Variants in DYM observed in about 807,000 individuals in gnomAD.
DYM encodes dyggve-Melchior-Clausen syndrome protein.
Under a neutral mutation model 93.1 loss-of-function variants are expected in DYM, and 78 were observed. That is an observed-to-expected ratio of 0.84 (90% CI 0.70 to 1.01). The LOEUF is 1.01. DYM is among the 50% of genes least tolerant of loss of function. The probability of loss-of-function intolerance (pLI) is 0.00; values close to 1 mark genes in which losing one functional copy is unlikely to be tolerated. For synonymous variants in DYM, 321 were observed against 319.7 expected (o/e 1.00, Z -0.04); for missense variants, 789 against 845.0 (o/e 0.93, Z 0.82).
At chr18:49,325,601 T>C (rs940329260) in intron 8 of DYM, among the ~76,000 whole-genome samples, 4 of 152,126 alleles carry the variant, frequency 2.6e-5, no homozygotes, top group South Asian at 2.1e-4. Context: ...CATACCTTTA[T>C]ATATAAAGTT....
chr18:49,142,469 A>C (rs2084629301), intron 15 of DYM, among the ~76,000 whole-genome samples: 1 of 152,144 alleles, frequency 6.6e-6, no homozygotes, highest in Non-Finnish European at 1.5e-5. Context: ...AAGAAATGAG[A>C]ATTTGAAGGG....
At chr18:49,452,115 G>A (rs761587820) in intron 1 of DYM, among the ~76,000 whole-genome samples, 5 of 152,250 alleles carry the variant, frequency 3.3e-5, no homozygotes, top group Admixed American at 6.5e-5. Context: ...GACCCTCACA[G>A]TGAGTGTTAC....
intron 8 of DYM, among the ~76,000 whole-genome samples, chr18:49,313,120 TGA>T (rs1345886939): frequency 1.3e-5 from 2 of 152,094 alleles, no homozygotes; most frequent in African/African-American, 2.4e-5. Context: ...AGTCACAGGA[TGA>T]GACCGGAGGT....
chr18:49,063,411 G>T (rs919151591), intron 17 of DYM, among the ~76,000 whole-genome samples: 1 of 148,816 alleles, frequency 6.7e-6, no homozygotes, highest in Non-Finnish European at 1.5e-5. Context: ...CAGAACTAAA[G>T]AAATATATAC....
At position 49,245,447 on chromosome 18, in the gene DYM, T is replaced by G. The variant is rs142063685; in HGVS notation, c.1460+11563A>C. On this transcript the variant is annotated intron_variant, in intron 13 of 17. Transcript: ENST00000675505. ...GCAAGGAACAACCCTGGGGAAGGAATGCATTCCTGGGGGTAGGTATATAGA... is the reference window on the plus strand; with the variant it reads ...GCAAGGAACAACCCTGGGGAAGGAAGGCATTCCTGGGGGTAGGTATATAGA... Among the ~76,000 whole-genome samples the G allele has an allele frequency of 1.6e-3, 242 of 152,276 alleles. 8 individuals are homozygous for G. In the East Asian group the frequency reaches 0.043, roughly 27 times the overall value.
At chr18:49,452,049 AGT>A (rs1258082014) in intron 1 of DYM, among the ~76,000 whole-genome samples, 1 of 152,230 alleles carries the variant, frequency 6.6e-6, no homozygotes, top group Non-Finnish European at 1.5e-5. Flanking sequence ...TATACATGGC[AGT>A]GTGTCTGGAA....
At chr18:49,266,687 A>G (rs1306771830) in intron 11 of DYM, among the ~76,000 whole-genome samples, 1 of 152,224 alleles carries the variant, frequency 6.6e-6, no homozygotes, top group African/African-American at 2.4e-5. Context: ...TAGTTAATGA[A>G]TGAGTATGAT....
intron 5 of DYM, among the ~76,000 whole-genome samples, chr18:49,376,247 A>G (rs768996846): frequency 7.2e-5 from 11 of 152,218 alleles, no homozygotes; most frequent in Non-Finnish European, 1.3e-4. Flanking sequence ...CCCTGCAACC[A>G]GCCAACTATG....
At chr18:49,385,359 C>T (rs2068497056) in intron 3 of DYM, among the ~76,000 whole-genome samples, 1 of 152,134 alleles carries the variant, frequency 6.6e-6, no homozygotes, top group Non-Finnish European at 1.5e-5. Context: ...AGAACTAGGA[C>T]AAAGAAGGAC....
intron 1 of DYM, among the ~76,000 whole-genome samples, chr18:49,441,716 T>C (rs2081643148): frequency 1.3e-5 from 2 of 150,308 alleles, no homozygotes; most frequent in Admixed American, 1.3e-4. Context: ...CCAAAAGGAG[T>C]TCCTGCCAAG....
rs1452166218 is a variant in DYM at position 49,038,336 on chromosome 18, T to C, written c.*5719A>G. ...CTCTGGTTGCATATTTGTCTAAATT[T>C]CCTATCAAATTTTCTTTTACATATT... On this transcript the variant is annotated 3_prime_UTR_variant, in exon 18 of 18. Transcript: ENST00000675505. Among the ~76,000 whole-genome samples, 1 of 152,244 alleles carries C rather than the reference T, an allele frequency of 6.6e-6. No homozygotes were observed. Among genetic ancestry groups the C allele is most frequent in the East Asian group, 1.9e-4 (1 of 5,208 alleles).
intron 14 of DYM, among the ~76,000 whole-genome samples, chr18:49,185,612 C>A (rs2090361865): frequency 6.6e-6 from 1 of 152,158 alleles, no homozygotes; most frequent in Admixed American, 6.5e-5. Context: ...AATATGCTAA[C>A]TGCTAATGTA....
At chr18:49,239,293 T>G (rs1249349300) in intron 13 of DYM, among the ~76,000 whole-genome samples, 1 of 152,248 alleles carries the variant, frequency 6.6e-6, no homozygotes, top group Non-Finnish European at 1.5e-5. Context: ...ATTTTCTATT[T>G]TGAACAGAAG....
At chr18:49,167,505 T>C (rs1041255599) in intron 14 of DYM, among the ~76,000 whole-genome samples, 6 of 152,204 alleles carry the variant, frequency 3.9e-5, no homozygotes, top group Admixed American at 1.3e-4. Flanking sequence ...TAAAATCTTA[T>C]AGCAAGTACT....
At chr18:49,182,497 T>C (rs1346617093) in intron 14 of DYM, among the ~76,000 whole-genome samples, 3 of 152,246 alleles carry the variant, frequency 2.0e-5, no homozygotes, top group African/African-American at 4.8e-5. Context: ...AATAGTCCTC[T>C]TGATACACTG....
chr18:49,168,526 GT>G (rs1463853605), intron 14 of DYM, among the ~76,000 whole-genome samples: 1 of 152,158 alleles, frequency 6.6e-6, no homozygotes, highest in Non-Finnish European at 1.5e-5. Context: ...TACACAGATG[GT>G]GGCAGGAGAT....
chr18:49,056,683 G>A (rs1049072378), intron 17 of DYM, among the ~76,000 whole-genome samples: 2 of 150,742 alleles, frequency 1.3e-5, no homozygotes, highest in African/African-American at 2.4e-5. Context: ...GACTACAGGC[G>A]CATGCCACCA....
At chr18:49,147,825 C>T (rs1371365063) in intron 15 of DYM, among the ~76,000 whole-genome samples, 7 of 152,142 alleles carry the variant, frequency 4.6e-5, no homozygotes, top group African/African-American at 1.4e-4. Context: ...CCATTTGACC[C>T]GGCCATCCCA....
intron 3 of DYM, among the ~76,000 whole-genome samples, chr18:49,389,219 T>A (rs72912550): frequency 0.039 from 5,918 of 152,314 alleles, 144 homozygotes; most frequent in Middle Eastern, 0.061. Flanking sequence ...TAAATGTATA[T>A]CTTGTTTTGC....
Sources: gnomAD v4.1 joint callset for allele counts (sites outside exome capture counted in the v4.1 genomes callset) on GRCh38, gnomAD v4.1.1 for gene constraint, MANE v1.5 for transcripts, NCBI Gene and HGNC (gene_info 2026-07-23, HGNC 2026-07-21) for gene names.